Variants in VWA3B observed in about 807,000 individuals in gnomAD.
VWA3B encodes the protein von Willebrand factor A domain-containing protein 3B.
VWA3B carries 138 observed loss-of-function variants against 158.3 expected under a neutral mutation model. The ratio of observed to expected loss-of-function variants is 0.87; its 90% CI spans 0.76 to 1.00. VWA3B has a LOEUF of 1.00. VWA3B is among the 50% of genes least tolerant of loss of function. VWA3B has a pLI of 0.00. For synonymous variants in VWA3B, 596 were observed against 587.3 expected (o/e 1.01, Z -0.21); for missense variants, 1,555 against 1,565.1 (o/e 0.99, Z 0.11).
At chr2:98,252,092 A>G (rs1686834963) in intron 20 of VWA3B, among the ~76,000 whole-genome samples, 1 of 152,020 alleles carries the variant, frequency 6.6e-6, no homozygotes, top group Admixed American at 6.5e-5. Flanking sequence ...TCACCTCAGC[A>G]CCAATGATCC....
At chr2:98,158,710 TG>T (rs11297362) in intron 7 of VWA3B, among the ~76,000 whole-genome samples, 113,992 of 146,026 alleles carry the variant, frequency 0.78, 44,554 homozygotes, top group African/African-American at 0.9. Flanking sequence ...CACCGTTTCC[TG>T]GGGGTGGTGG....
intron 2 of VWA3B, among the ~76,000 whole-genome samples, chr2:98,113,072 T>C (rs1030067671): frequency 1.3e-5 from 2 of 151,784 alleles, no homozygotes; most frequent in Admixed American, 6.6e-5. Flanking sequence ...ATGTTTATGG[T>C]ATTTATAGTA....
At chr2:98,249,231 A>G (rs188368795) in intron 19 of VWA3B, among the ~76,000 whole-genome samples, 29 of 152,236 alleles carry the variant, frequency 1.9e-4, no homozygotes, top group African/African-American at 6.7e-4. Context: ...TTATCAACAA[A>G]CATTTGTTGA....
At chr2:98,179,903 T>C (rs893306263) in intron 8 of VWA3B, among the ~76,000 whole-genome samples, 5 of 146,406 alleles carry the variant, frequency 3.4e-5, no homozygotes, top group African/African-American at 2.5e-5. Flanking sequence ...TTTCTTTCTC[T>C]TTCTTCTCTC....
intron 22 of VWA3B, among the ~76,000 whole-genome samples, chr2:98,280,005 G>A (rs143440466): frequency 3.8e-4 from 58 of 152,342 alleles, no homozygotes; most frequent in African/African-American, 1.3e-3. Context: ...GTGTAAAGTA[G>A]GTGGCTGGTA....
chr2:98,202,545 T>C (rs1682641581), intron 12 of VWA3B, among the ~76,000 whole-genome samples: 1 of 152,174 alleles, frequency 6.6e-6, no homozygotes, highest in South Asian at 2.1e-4. Flanking sequence ...TCCTACTTGC[T>C]TTGTTTTTTT....
chr2:98,241,303 G>C (rs1448318463), intron 19 of VWA3B, among the ~76,000 whole-genome samples: 3 of 152,076 alleles, frequency 2.0e-5, no homozygotes, highest in Non-Finnish European at 2.9e-5. Context: ...AGCTGGTGAA[G>C]GAAGGGCCTT....
intron 1 of VWA3B, among the ~76,000 whole-genome samples, chr2:98,087,648 G>A (rs936008525): frequency 2.0e-5 from 3 of 152,188 alleles, no homozygotes; most frequent in Non-Finnish European, 4.4e-5. Context: ...TGGAAAAGCG[G>A]TTTTCCTAGT....
At chr2:98,161,940 C>T (rs545557098) in intron 7 of VWA3B, among the ~76,000 whole-genome samples, 73 of 152,322 alleles carry the variant, frequency 4.8e-4, no homozygotes, top group African/African-American at 1.7e-3. Context: ...CTCCTGACCT[C>T]CATTGATCTG....
intron 2 of VWA3B, among the ~76,000 whole-genome samples, chr2:98,098,454 A>G (rs571164753): frequency 0.026 from 3,971 of 151,966 alleles, 74 homozygotes; most frequent in Non-Finnish European, 0.037. Flanking sequence ...CCCCTTTTTG[A>G]TTATATAATA....
intron 12 of VWA3B, among the ~76,000 whole-genome samples, chr2:98,208,475 A>ATT (rs1683210958): frequency 6.6e-6 from 1 of 151,616 alleles, no homozygotes; most frequent in African/African-American, 2.4e-5. Flanking sequence ...ATTTGAGCAT[A>ATT]TTTTGGTGTT....
chr2:98,271,262 G>A (rs1688185290), intron 22 of VWA3B, among the ~76,000 whole-genome samples: 1 of 152,130 alleles, frequency 6.6e-6, no homozygotes, highest in Non-Finnish European at 1.5e-5. Context: ...TGTAAAATAA[G>A]AGTATTAATA....
intron 12 of VWA3B, 59 bp downstream of exon 12, chr2:98,194,551 T>C: frequency 1.3e-6 from 2 of 1,579,598 alleles, no homozygotes; most frequent in South Asian, 2.3e-5. Flanking sequence ...GTGTACTGAG[T>C]TCATTCACAG....
intron 3 of VWA3B, among the ~76,000 whole-genome samples, chr2:98,116,616 C>G (rs1250711874): frequency 6.6e-6 from 1 of 152,220 alleles, no homozygotes; most frequent in Non-Finnish European, 1.5e-5. Flanking sequence ...GAGCGATCCT[C>G]CCACCTCAGC....
Position 98,312,333 on chromosome 2 carries a change from T to A in VWA3B, c.3869T>A (p.Val1290Asp), listed in dbSNP as rs1300774066. Reference sequence around the variant, plus strand: ...CACAGCAGCAAAGGGCTGAGGAGCGTCCCTGAGACACTTTAAGGCCGTCTG... The same window carrying A: ...CACAGCAGCAAAGGGCTGAGGAGCGACCCTGAGACACTTTAAGGCCGTCTG... ...ATHSSKGLRS[V>D]PETL is the part of the protein sequence containing the mutation. The change falls in exon 28 of 28, where the codon GTC (valine) becomes GAC (aspartate). Residue 1290 changes from valine to aspartate, a missense_variant. Val to Asp is a radical substitution (Grantham distance 152). Transcript: ENST00000477737. 5.0e-6 allele frequency: 8 copies of A among 1,612,184 alleles called. No individual in the cohort carries two copies. The highest frequency in any genetic ancestry group is 6.8e-6 in the Non-Finnish European group (8 of 1,178,676).
intron 12 of VWA3B, chr2:98,206,139 C>G (rs942867302): frequency 2.0e-5 from 3 of 152,366 alleles, no homozygotes; most frequent in African/African-American, 7.2e-5. Flanking sequence ...CAGTCTCCAC[C>G]CAAACTCTAC....
intron 8 of VWA3B, among the ~76,000 whole-genome samples, chr2:98,172,332 C>T (rs994101014): frequency 6.6e-6 from 1 of 152,192 alleles, no homozygotes; most frequent in Admixed American, 6.5e-5. Flanking sequence ...CCAAACTCTG[C>T]GTCATTCTGC....
At chr2:98,298,529 A>G (rs1259956711) in intron 24 of VWA3B, among the ~76,000 whole-genome samples, 1 of 152,172 alleles carries the variant, frequency 6.6e-6, no homozygotes, top group Non-Finnish European at 1.5e-5. Context: ...GGGCAGAGGT[A>G]GCACTTTCCT....
intron 26 of VWA3B, among the ~76,000 whole-genome samples, chr2:98,304,235 G>A (rs1690374748): frequency 1.3e-5 from 2 of 152,188 alleles, no homozygotes; most frequent in South Asian, 4.1e-4. Flanking sequence ...CTGCAGTGGA[G>A]TGAACACATT....
Sources: gnomAD v4.1 joint callset for allele counts (sites outside exome capture counted in the v4.1 genomes callset) on GRCh38, gnomAD v4.1.1 for gene constraint, MANE v1.5 for transcripts, NCBI Gene and HGNC (gene_info 2026-07-23, HGNC 2026-07-21) for gene names.